The following VWF variants were observed in gnomAD, a reference collection of about 807,000 sequenced individuals.
VWF encodes the protein Factor VIII related antigen.
Under a neutral mutation model 308.6 loss-of-function variants are expected in VWF, and 176 were observed. That is an observed-to-expected ratio of 0.57 (90% confidence interval 0.50 to 0.65). VWF has a LOEUF of 0.65. Ranked by LOEUF, VWF falls within the 30% of genes least tolerant of loss-of-function variation. The pLI, the probability that VWF is intolerant of heterozygous loss-of-function variation, is 0.00. For missense variants in VWF, 3,146 were observed against 3,648.2 expected, an observed-to-expected ratio of 0.86 and a Z score of 3.55; for synonymous variants, 1,385 against 1,443.4, an observed-to-expected ratio of 0.96 and a Z score of 0.92.
Position 6,054,674 on chromosome 12 carries a change from C to G in VWF, c.1946-1891G>C, listed in dbSNP as rs114100136. On this transcript the variant is annotated intron_variant, in intron 15 of 51. Transcript: ENST00000261405. ...TCCTGTCTTCCCAAAGGGAGCACAA[C>G]CAATTTGCAAGAGGAAAAAAAATGT... Among the ~76,000 whole-genome samples, 699 of 152,286 alleles carry G rather than the reference C, an allele frequency of 4.6e-3. 13 individuals carry two copies. The highest frequency in any genetic ancestry group is 0.016 in the African/African-American group (672 of 41,552).
Position 5,994,537 on chromosome 12 carries a change from G to A in VWF, c.6134C>T (p.Ala2045Val). ...ATTGAATCTGACCTCATGCATGATG[G>A]CACCATAAACGTTGACTTCCATGTT... ...GGNMEVNVYG[A>V]IMHEVRFNHL... Residue 2045 changes from alanine to valine, a missense_variant, in exon 36 of 52, where the codon GCC becomes GTC. Transcript: ENST00000261405. 1 of 1,613,954 alleles carries A rather than the reference G, an allele frequency of 6.2e-7. No individual in the cohort carries two copies. Among genetic ancestry groups the A allele is most frequent in the South Asian group, 1.1e-5 (1 of 91,072 alleles).
intron 18 of VWF, among the ~76,000 whole-genome samples, chr12:6,038,334 T>C (rs980491943): frequency 6.6e-6 from 1 of 152,216 alleles, no homozygotes; most frequent in African/African-American, 2.4e-5. Flanking sequence ...ATACGCCTCC[T>C]TGTGGCAAAT....
At chr12:5,999,216 A>C (rs1480210062) in intron 34 of VWF, among the ~76,000 whole-genome samples, 3 of 152,192 alleles carry the variant, frequency 2.0e-5, no homozygotes, top group Non-Finnish European at 4.4e-5. Flanking sequence ...CACTACCACC[A>C]GAAAGAAAAG....
At chr12:5,959,200 C>T (rs1943283286) in intron 47 of VWF, among the ~76,000 whole-genome samples, 1 of 151,910 alleles carries the variant, frequency 6.6e-6, no homozygotes, top group African/African-American at 2.4e-5. Context: ...ACAGTGAGAT[C>T]CTATCTCAAA....
intron 13 of VWF, among the ~76,000 whole-genome samples, chr12:6,061,574 G>A (rs753531382): frequency 8.5e-5 from 13 of 152,074 alleles, no homozygotes; most frequent in Non-Finnish European, 1.3e-4. Flanking sequence ...GGATCTCCTG[G>A]GTGAAACCTG....
intron 34 of VWF, among the ~76,000 whole-genome samples, chr12:5,997,709 A>C (rs766542021): frequency 6.6e-5 from 10 of 152,218 alleles, no homozygotes; most frequent in Non-Finnish European, 1.5e-4. Flanking sequence ...TAAATTCAAT[A>C]GTTTGTAAAT....
Position 6,110,924 on chromosome 12 carries a change from C to A in VWF, c.265G>T (p.Gly89Trp). ...AACAAATGGATGTCAAAAAATTCCC[C>A]AAGATACACGGAGAGGCTCACTCTC... The part of the protein sequence containing the change: ...GKRVSLSVYL[G>W]EFFDIHLFVN... Residue 89 changes from glycine to tryptophan, a missense_variant, in exon 4 of 52, where the codon GGG (glycine) becomes TGG (tryptophan). Gly to Trp is a radical substitution (Grantham distance 184). Transcript: ENST00000261405. 1 of 1,614,128 alleles carries A rather than the reference C, an allele frequency of 6.2e-7. No individual in the cohort carries two copies. The highest frequency in any genetic ancestry group is 8.5e-7 in the Non-Finnish European group (1 of 1,180,040).
rs190558751 is a variant in VWF, at chr12:6,060,834, G to A, written c.1533+2120C>T. Among the ~76,000 whole-genome samples, 128 of 152,220 alleles carry A rather than the reference G, an allele frequency of 8.4e-4. No individual in the cohort carries two copies. Among genetic ancestry groups the A allele is most frequent in the Non-Finnish European group, 1.6e-3 (111 of 68,012 alleles). ...GCAGCTGCCCAGGATGAGAAGTTACGGCCCTGCTGATCAAGGGGAGAAAGT... is the reference window on the plus strand; with the variant it reads ...GCAGCTGCCCAGGATGAGAAGTTACAGCCCTGCTGATCAAGGGGAGAAAGT... On this transcript the variant is annotated intron_variant, in intron 13 of 51. Coordinates refer to ENST00000261405, the MANE Select transcript of VWF (RefSeq NM_000552.5). This position sits in a 1 kb window ranked among gnomAD's most constrained non-coding sequence, Gnocchi z 5.1.
intron 16 of VWF, among the ~76,000 whole-genome samples, chr12:6,050,025 TGTAC>T (rs1478654080): frequency 6.6e-6 from 1 of 152,218 alleles, no homozygotes; most frequent in Non-Finnish European, 1.5e-5. Context: ...GTCACCTCCA[TGTAC>T]GTCTTTCTCT....
At chr12:5,985,738 C>T in intron 38 of VWF, 73 bp from the exon 39 acceptor site, 8 of 1,413,744 alleles carry the variant, frequency 5.7e-6, no homozygotes, top group Non-Finnish European at 7.9e-6. Context: ...CAGAGGTCAG[C>T]TCTCCCTGCC....
chr12:5,978,618 T>C (rs1943558366), intron 42 of VWF, among the ~76,000 whole-genome samples: 1 of 152,162 alleles, frequency 6.6e-6, no homozygotes, highest in African/African-American at 2.4e-5. Context: ...AACCAGAATT[T>C]TCAACTTAGA....
At chr12:6,092,622 T>TGAGAGTCAGAGAGAGAGAGA (rs1403649370) in intron 6 of VWF, among the ~76,000 whole-genome samples, 1 of 91,492 alleles carries the variant, frequency 1.1e-5, no homozygotes, top group African/African-American at 5.3e-5. Flanking sequence ...AGTGAGAGTG[T>TGAGAGTCAGAGAGAGAGAGA]GTGTGTGTGT....
At chr12:6,035,594 A>T (rs954744254) in intron 19 of VWF, among the ~76,000 whole-genome samples, 1 of 152,114 alleles carries the variant, frequency 6.6e-6, no homozygotes, top group Non-Finnish European at 1.5e-5. Context: ...GGCCAAGGAA[A>T]AGGGAGAAGG....
At chr12:6,006,104 T>C (rs1052528282) in intron 34 of VWF, among the ~76,000 whole-genome samples, 19 of 152,168 alleles carry the variant, frequency 1.2e-4, no homozygotes, top group Admixed American at 3.9e-4. Flanking sequence ...GTGACATCAA[T>C]AATGTAAAGT....
At position 6,083,294 on chromosome 12, in the gene VWF, G is replaced by A. The variant is rs563499638; in HGVS notation, c.658-7743C>T. On this transcript the variant is annotated intron_variant, in intron 6 of 51. Transcript: ENST00000261405. Reference sequence around the variant, plus strand: ...CTCCCAAAGTACTGGGATTACAGGCGTGAGCCACCGCAACCGGCCTGATCC... The same window carrying A: ...CTCCCAAAGTACTGGGATTACAGGCATGAGCCACCGCAACCGGCCTGATCC... 5.8e-4 allele frequency among the ~76,000 whole-genome samples: 88 copies of A among 152,308 alleles called. No individual in the cohort carries two copies. The South Asian group carries it at 7.9e-3, about 14-fold the overall frequency.
chr12:6,064,037 C>T (rs934398484), intron 12 of VWF, among the ~76,000 whole-genome samples: 1 of 152,236 alleles, frequency 6.6e-6, no homozygotes, highest in Non-Finnish European at 1.5e-5. Context: ...CTATAGGCTT[C>T]CTTCTCTAGT....
Position 6,019,171 on chromosome 12 carries a change from A to T in VWF, c.4247T>A (p.Ile1416Asn), listed in dbSNP as rs61750081. ...KKKVIVIPVGIGPHANLKQIR... is the reference protein window; with the variant it reads ...KKKVIVIPVGNGPHANLKQIR... ...CTGCTTGAGGTTGGCATGGGGCCCAATGCCCACCGGGATCACAATGACCTT... is the reference window on the plus strand; with the variant it reads ...CTGCTTGAGGTTGGCATGGGGCCCATTGCCCACCGGGATCACAATGACCTT... Residue 1416 changes from isoleucine to asparagine, a missense_variant, in exon 28 of 52, where the codon ATT becomes AAT. By Grantham distance (149) the Ile-to-Asn change is moderately radical. Transcript: ENST00000261405. This position sits in a 1 kb window ranked among gnomAD's most constrained non-coding sequence, Gnocchi z 5.8. 3 of 1,613,870 alleles carry T rather than the reference A, an allele frequency of 1.9e-6. No homozygotes were observed. Among genetic ancestry groups the T allele is most frequent in the Non-Finnish European group, 2.5e-6 (3 of 1,179,858 alleles).
intron 31 of VWF, 63 bp downstream of exon 31, chr12:6,016,026 T>C: frequency 3.1e-6 from 5 of 1,609,274 alleles, no homozygotes; most frequent in Non-Finnish European, 4.3e-6. Flanking sequence ...AGCCCACTTT[T>C]AATCCTCTAT....
intron 5 of VWF, among the ~76,000 whole-genome samples, chr12:6,101,376 G>A (rs1175654117): frequency 1.3e-5 from 2 of 151,800 alleles, no homozygotes; most frequent in East Asian, 1.9e-4. Context: ...CAACCAGCAT[G>A]AGCACAACAC....
Sources: gnomAD v4.1 joint callset for allele counts (sites outside exome capture counted in the v4.1 genomes callset) on GRCh38, gnomAD v4.1.1 for gene constraint, Gnocchi (gnomAD v3.1) non-coding constraint, MANE v1.5 for transcripts, NCBI Gene and HGNC (gene_info 2026-07-23, HGNC 2026-07-21) for gene names.